Variants in ANXA6 observed in about 807,000 individuals in gnomAD.
ANXA6 encodes the protein 67 kDa calelectrin.
Under a neutral mutation model 95.4 loss-of-function variants are expected in ANXA6, and 71 were observed. The observed-to-expected ratio is 0.74, with a 90% CI of 0.61 to 0.91. The LOEUF is 0.91. ANXA6 is among the 40% of genes least tolerant of loss of function. The probability of loss-of-function intolerance (pLI) is 0.00; values close to 1 mark genes in which losing one functional copy is unlikely to be tolerated. For missense variants in ANXA6, 830 were observed against 876.4 expected (o/e 0.95, Z 0.67); for synonymous variants, 289 against 315.9 (o/e 0.91, Z 0.90).
At chr5:151,102,768 T>G (rs1272556938) in intron 25 of ANXA6, among the ~76,000 whole-genome samples, 1 of 152,036 alleles carries the variant, frequency 6.6e-6, no homozygotes, top group African/African-American at 2.4e-5. Flanking sequence ...TCCATTTATA[T>G]GAAATATTCA....
intron 12 of ANXA6, chr5:151,128,444 T>C (rs751539132): frequency 5.0e-5 from 28 of 558,466 alleles, no homozygotes; most frequent in Non-Finnish European, 8.1e-5. Flanking sequence ...AGCATTTGCC[T>C]ATTTCTGTGG....
At chr5:151,142,465 G>C (rs1219097110) in intron 2 of ANXA6, among the ~76,000 whole-genome samples, 2 of 150,316 alleles carry the variant, frequency 1.3e-5, no homozygotes, top group African/African-American at 4.9e-5. Flanking sequence ...GCGACAGAAT[G>C]AGACTGACTC....
intron 23 of ANXA6, among the ~76,000 whole-genome samples, chr5:151,106,881 T>G (rs1581975978): frequency 6.6e-6 from 1 of 151,832 alleles, no homozygotes; most frequent in Admixed American, 6.6e-5. Flanking sequence ...GATGGAGGAG[T>G]GTGAAATGGT....
At chr5:151,131,142 C>T (rs2113930560) in intron 11 of ANXA6, 89 bp downstream of exon 11, 13 of 1,403,534 alleles carry the variant, frequency 9.3e-6, no homozygotes, top group Admixed American at 6.8e-5. Flanking sequence ...CCCTGAAGGG[C>T]TCTCTTTGGC....
At chr5:151,151,887 T>A (rs1164473337) in intron 1 of ANXA6, among the ~76,000 whole-genome samples, 1 of 152,262 alleles carries the variant, frequency 6.6e-6, no homozygotes, top group African/African-American at 2.4e-5. Flanking sequence ...TGAGATATAC[T>A]GTGACGACTT....
At chr5:151,128,792 T>C (rs1380658337) in intron 12 of ANXA6, among the ~76,000 whole-genome samples, 1 of 152,228 alleles carries the variant, frequency 6.6e-6, no homozygotes. Flanking sequence ...AACTGGCTTA[T>C]TTATCTTTGC....
intron 5 of ANXA6, among the ~76,000 whole-genome samples, chr5:151,138,161 C>G (rs1294579962): frequency 6.6e-6 from 1 of 152,146 alleles, no homozygotes; most frequent in Non-Finnish European, 1.5e-5. Flanking sequence ...GGCTTTGCCT[C>G]TCTTTTTCCT....
intron 20 of ANXA6, among the ~76,000 whole-genome samples, chr5:151,114,079 G>A (rs1764927453): frequency 6.6e-6 from 1 of 152,202 alleles, no homozygotes; most frequent in Admixed American, 6.5e-5. Flanking sequence ...GTTTGGAAGA[G>A]GCACATCTGG....
chr5:151,120,919 C>G (rs1309585262), intron 17 of ANXA6, among the ~76,000 whole-genome samples: 1 of 152,190 alleles, frequency 6.6e-6, no homozygotes, highest in Non-Finnish European at 1.5e-5. Context: ...CTCGTCTCCC[C>G]CTAACTCACT....
At position 151,105,251 on chromosome 5, in the gene ANXA6, G is replaced by T; in HGVS notation, c.1833C>A (p.Ser611=). ...PLFFADKLYK[S]MKGAGTDEKT... ...CGCCAGCATGTTTTCTTACCTTCAT[G>T]GATTTGTAAAGTTTGTCGGCAAAGA... The change falls in exon 24 of 26, where the codon TCC becomes TCA. Residue 611 remains serine (S), a synonymous_variant. Transcript: ENST00000354546. The T allele has an allele frequency of 6.2e-7, 1 of 1,613,854 alleles. No individual in the cohort carries two copies.
intron 5 of ANXA6, among the ~76,000 whole-genome samples, chr5:151,137,946 G>A (rs926003489): frequency 4.5e-4 from 68 of 152,186 alleles, no homozygotes; most frequent in African/African-American, 1.5e-3. Context: ...ATTCTCTTCA[G>A]AAACTATCTT....
chr5:151,123,981 C>A (rs1765241841), intron 15 of ANXA6, among the ~76,000 whole-genome samples: 1 of 152,188 alleles, frequency 6.6e-6, no homozygotes, highest in African/African-American at 2.4e-5. Flanking sequence ...GGTGAGTCAG[C>A]AGCAGAGCCA....
intron 7 of ANXA6, among the ~76,000 whole-genome samples, 175 bp from the exon 8 acceptor site, chr5:151,134,658 G>A (rs1177211101): frequency 6.6e-6 from 1 of 152,200 alleles, no homozygotes; most frequent in Non-Finnish European, 1.5e-5. Context: ...CCAATCAAAA[G>A]GGACCCTCCC....
chr5:151,109,417 C>T (rs1764786966), intron 22 of ANXA6, among the ~76,000 whole-genome samples: 1 of 152,154 alleles, frequency 6.6e-6, no homozygotes, highest in Admixed American at 6.5e-5. Context: ...CAGGCATCGC[C>T]AGTGAATCAT....
At chr5:151,142,832 G>C (rs959309037) in intron 2 of ANXA6, among the ~76,000 whole-genome samples, 47 of 152,318 alleles carry the variant, frequency 3.1e-4, no homozygotes, top group African/African-American at 1.1e-3. Flanking sequence ...GACCTCCTGG[G>C]ACCAGTGTGG....
intron 13 of ANXA6, among the ~76,000 whole-genome samples, chr5:151,126,713 T>G (rs536733710): frequency 9.3e-6 from 1 of 107,518 alleles, no homozygotes; most frequent in East Asian, 2.8e-4. Context: ...ATGCTGCCTT[T>G]TTTATTTTTT....
intron 13 of ANXA6, 60 bp downstream of exon 13, chr5:151,128,121 G>A (rs1265118659): frequency 1.0e-5 from 15 of 1,452,282 alleles, no homozygotes; most frequent in African/African-American, 1.4e-5. Context: ...CGAGCCAGGA[G>A]AGTCCCCGCC....
chr5:151,153,145 T>C (rs1766148225), intron 1 of ANXA6, among the ~76,000 whole-genome samples: 1 of 152,122 alleles, frequency 6.6e-6, no homozygotes, highest in African/African-American at 2.4e-5. Flanking sequence ...ACTGACTTCT[T>C]TGCCATCACC....
At chr5:151,135,184 G>A (rs1251122522) in intron 7 of ANXA6, among the ~76,000 whole-genome samples, 1 of 152,190 alleles carries the variant, frequency 6.6e-6, no homozygotes, top group Non-Finnish European at 1.5e-5. Context: ...GTGCATTCCA[G>A]GATCTCAAAC....
Sources: allele counts gnomAD v4.1 joint callset (sites outside exome capture counted in the v4.1 genomes callset), GRCh38; gene constraint gnomAD v4.1.1; transcripts MANE v1.5; gene names NCBI Gene and HGNC (gene_info 2026-07-23, HGNC 2026-07-21).